DNA2: variants seen among roughly 807,000 people sequenced by gnomAD.
DNA2 encodes the protein DNA replication ATP-dependent helicase/nuclease DNA2.
A neutral mutation model predicts 119.1 loss-of-function variants in DNA2; 101 were observed. That is an observed-to-expected ratio of 0.85 (90% CI 0.72 to 1.00). The LOEUF is 1.00. Ranked by LOEUF, DNA2 falls within the 50% of genes least tolerant of loss-of-function variation. The pLI is 0.00. For synonymous variants in DNA2, 366 were observed against 424.4 expected, an observed-to-expected ratio of 0.86 and a Z score of 1.69; for missense variants, 1,121 against 1,255.5, an observed-to-expected ratio of 0.89 and a Z score of 1.62.
intron 2 of DNA2, among the ~76,000 whole-genome samples, chr10:68,469,343 G>A (rs564355802): frequency 9.8e-4 from 137 of 140,336 alleles, no homozygotes; most frequent in African/African-American, 3.3e-3. Flanking sequence ...CAGGGGATTC[G>A]AGACCATCCT....
chr10:68,422,924 A>G, intron 14 of DNA2, 34 bp from the exon 15 acceptor site: 1 of 1,425,414 alleles, frequency 7.0e-7, no homozygotes, highest in Non-Finnish European at 9.4e-7. Context: ...GTTATTTAAC[A>G]TGTAAAAGAA....
chr10:68,437,010 CCTGT>C lies in DNA2; in HGVS notation c.1643_1646del (p.Asp548GlufsTer14), dbSNP rs768077989. On this transcript the variant is annotated frameshift_variant and splice_region_variant, in exon 10 of 21. Coordinates refer to ENST00000358410, the MANE Select transcript of DNA2 (RefSeq NM_001080449.3). LOFTEE classifies it high-confidence loss of function. ...TATCAAAAAAAGTAACATTTCATTA[CCTGT>C]CTAATAAACAAGTTACTGTTGTCAT... 6.3e-6 allele frequency: 10 copies of C among 1,599,928 alleles called. No homozygotes were observed. Among genetic ancestry groups the C allele is most frequent in the African/African-American group, 4.0e-5 (3 of 74,626 alleles).
At chr10:68,435,204 C>T (rs965814178) in intron 10 of DNA2, among the ~76,000 whole-genome samples, 5 of 151,928 alleles carry the variant, frequency 3.3e-5, no homozygotes, top group African/African-American at 1.2e-4. Context: ...AAGACATGCA[C>T]CACCTCCTAA....
At chr10:68,470,198 A>G in intron 1 of DNA2, 35 bp from the exon 2 acceptor site, 1 of 1,529,942 alleles carries the variant, frequency 6.5e-7, no homozygotes, top group Non-Finnish European at 8.8e-7. Context: ...TTTTAGCACA[A>G]CCATGAAATA....
intron 2 of DNA2, among the ~76,000 whole-genome samples, chr10:68,469,594 C>T (rs2052363645): frequency 6.6e-6 from 1 of 152,072 alleles, no homozygotes; most frequent in South Asian, 2.1e-4. Flanking sequence ...TCCAGAGTAC[C>T]TGGGATTACA....
At chr10:68,432,992 C>T (rs2051842399) in intron 10 of DNA2, among the ~76,000 whole-genome samples, 2 of 152,114 alleles carry the variant, frequency 1.3e-5, no homozygotes, top group African/African-American at 2.4e-5. Flanking sequence ...CCTCCAAATT[C>T]CAAATTCCAT....
intron 14 of DNA2, among the ~76,000 whole-genome samples, chr10:68,426,408 C>T (rs1295983967): frequency 1.3e-5 from 2 of 152,016 alleles, no homozygotes; most frequent in African/African-American, 2.4e-5. Flanking sequence ...TATGGTGGCT[C>T]ATGCCTGTAG....
chr10:68,467,682 C>T (rs1400068338), intron 3 of DNA2, among the ~76,000 whole-genome samples: 1 of 152,120 alleles, frequency 6.6e-6, no homozygotes, highest in African/African-American at 2.4e-5. Context: ...TCCTGAGTAG[C>T]TGGGACTACA....
chr10:68,472,262 C>A, upstream of DNA2: 1 of 1,093,204 alleles, frequency 9.1e-7, no homozygotes, highest in African/African-American at 1.7e-5. Flanking sequence ...TTGAACACAA[C>A]CTTTACACGC....
chr10:68,449,473 C>T (rs143234331), intron 6 of DNA2, among the ~76,000 whole-genome samples: 18 of 152,124 alleles, frequency 1.2e-4, no homozygotes, highest in African/African-American at 4.3e-4. Flanking sequence ...TTCAATATTT[C>T]GTACACAATT....
chr10:68,444,853 CA>C, intron 8 of DNA2, 67 bp downstream of exon 8: 1 of 1,157,966 alleles, frequency 8.6e-7, no homozygotes, highest in Non-Finnish European at 1.2e-6. Flanking sequence ...GTCTGGCCAC[CA>C]GTGTTAAACG....
intron 4 of DNA2, among the ~76,000 whole-genome samples, chr10:68,462,101 T>C (rs988032404): frequency 1.3e-5 from 2 of 152,230 alleles, no homozygotes; most frequent in East Asian, 1.9e-4. Context: ...CTAGGTGCAG[T>C]GGCTCATACC....
rs151180015 is a variant in DNA2 at position 68,427,650 on chromosome 10, A to AACACACACACACACACACACAC, written c.2208+2764_2208+2785dup. Among the ~76,000 whole-genome samples, 614 of 140,212 alleles carry AACACACACACACACACACACAC rather than the reference A, an allele frequency of 4.4e-3. 12 individuals are homozygous for AACACACACACACACACACACAC. The highest frequency in any genetic ancestry group is 0.025 in the Admixed American group (351 of 13,790). 92.0% of individuals were successfully genotyped at this position (140,212 alleles called of 152,430 possible). A position where few individuals can be genotyped will look rare whatever the true frequency, so the allele number is the denominator to read the frequency against. ...GGCAACAGAGCAAGACCTTGTCTCA[A>AACACACACACACACACACACAC]ACACACACACACACACACACACACA... On this transcript the variant is annotated intron_variant, in intron 14 of 20. Coordinates refer to ENST00000358410, the MANE Select transcript of DNA2 (RefSeq NM_001080449.3).
chr10:68,447,076 C>T (rs189464802), intron 6 of DNA2, among the ~76,000 whole-genome samples: 12 of 152,110 alleles, frequency 7.9e-5, no homozygotes, highest in East Asian at 1.9e-4. Context: ...ATGATTATTA[C>T]GTATTGCATG....
chr10:68,440,943 G>C (rs967747917), intron 9 of DNA2, among the ~76,000 whole-genome samples: 1 of 152,106 alleles, frequency 6.6e-6, no homozygotes, highest in Non-Finnish European at 1.5e-5. Context: ...CACTTTGGGA[G>C]GCCAAAGTGG....
At chr10:68,449,973 C>T in intron 6 of DNA2, 55 bp downstream of exon 6, 2 of 974,574 alleles carry the variant, frequency 2.1e-6, no homozygotes, top group South Asian at 1.7e-5. Context: ...GACTCTGTCT[C>T]AAAAAAAAAA....
Position 68,468,114 on chromosome 10 carries a change from A to G in DNA2, c.441+9T>C, listed in dbSNP as rs770405057. ...CCCTGCAGAAACATTAACTGTTACT[A>G]TTATTTACCCTAAAAGTTTCACTCA... is the stretch of plus-strand genomic sequence containing the variant. On this transcript the variant is annotated intron_variant, in intron 3 of 20. Coordinates refer to ENST00000358410, the MANE Select transcript of DNA2 (RefSeq NM_001080449.3). 11 of 1,546,312 alleles carry G rather than the reference A, an allele frequency of 7.1e-6. No homozygotes were observed. The South Asian group carries it at 1.0e-4, about 15-fold the overall frequency.
At chr10:68,424,804 C>A in intron 14 of DNA2, 1 of 1,116,340 alleles carries the variant, frequency 9.0e-7, no homozygotes, top group Non-Finnish European at 1.4e-6. Flanking sequence ...GTCATCTACA[C>A]TGAGCAGGTG....
At chr10:68,417,408 A>AAC (rs1554902615) in intron 19 of DNA2, among the ~76,000 whole-genome samples, 9 of 151,064 alleles carry the variant, frequency 6.0e-5, no homozygotes, top group East Asian at 1.9e-4. Flanking sequence ...AAAAAAAAAA[A>AAC]AAAACACTAT....
Sources: allele counts gnomAD v4.1 joint callset (sites outside exome capture counted in the v4.1 genomes callset), GRCh38; gene constraint gnomAD v4.1.1; transcripts MANE v1.5; gene names NCBI Gene and HGNC (gene_info 2026-07-23, HGNC 2026-07-21).